UBR2: variants seen among roughly 807,000 people sequenced by gnomAD.
The protein encoded by UBR2 is E3 ubiquitin-protein ligase UBR2.
UBR2 carries 92 observed loss-of-function variants against 247.9 expected under a neutral mutation model. That is an observed-to-expected ratio of 0.37 (90% CI 0.31 to 0.44). The LOEUF (loss-of-function observed/expected upper bound fraction) is 0.44, where lower values mean the gene tolerates loss of function less well. Ranked by LOEUF, UBR2 falls within the 20% of genes least tolerant of loss-of-function variation. The pLI is 1.00. For synonymous variants in UBR2, 672 were observed against 693.5 expected, an observed-to-expected ratio of 0.97 and a Z score of 0.49; for missense variants, 1,613 against 2,112.6, an observed-to-expected ratio of 0.76 and a Z score of 4.64.
rs1263854998 is a variant in UBR2, at chr6:42,678,582, G to T, written c.4522G>T (p.Val1508Phe). ...ATCCGGCTGGCATCTGTGGAGGAGT[G>T]TCAGAGCTGGAATCATGCCTTTCCT... ...IPSGWHLWRS[V>F]RAGIMPFLKC... Residue 1508 changes from valine to phenylalanine, a missense_variant, in exon 41 of 47, where the codon GTC becomes TTC. Val to Phe is a conservative substitution (Grantham distance 50). This residue lies in a region of UBR2 where 1,524 missense variants were observed against 1,967.3 expected (regional missense o/e 0.77). Transcript: ENST00000372901. 6.2e-7 allele frequency: 1 copy of T among 1,613,842 alleles called. No homozygotes were observed. Among genetic ancestry groups the T allele is most frequent in the Non-Finnish European group, 8.5e-7 (1 of 1,179,910 alleles).
Position 42,658,712 on chromosome 6 carries a change from A to G in UBR2, c.3130A>G (p.Lys1044Glu). The change falls in exon 29 of 47, where the codon AAG (lysine) becomes GAG (glutamate). Residue 1044 changes from lysine to glutamate, a missense_variant. Lys to Glu is a moderately conservative substitution (Grantham distance 56). Transcript: ENST00000372901. ...AGAGATTGCCAGACTGCGCAGAGAA[A>G]AGATCATGGCTCAGATGTCTGAAAT... ...KAEIARLRRE[K>E]IMAQMSEMQR... The G allele has an allele frequency of 6.2e-7, 1 of 1,613,800 alleles. No homozygotes were observed. Among genetic ancestry groups the G allele is most frequent in the Non-Finnish European group, 8.5e-7 (1 of 1,179,922 alleles).
intron 8 of UBR2, among the ~76,000 whole-genome samples, chr6:42,614,415 C>A (rs36195874): frequency 1.1e-5 from 1 of 89,220 alleles, no homozygotes; most frequent in African/African-American, 4.8e-5. Context: ...TATGTATGTA[C>A]GTACGTACAT....
chr6:42,670,991 G>C (rs1484091515), intron 36 of UBR2, among the ~76,000 whole-genome samples: 1 of 152,148 alleles, frequency 6.6e-6, no homozygotes, highest in African/African-American at 2.4e-5. Flanking sequence ...TTTAAGACCA[G>C]CCTGACCAAC....
intron 2 of UBR2, among the ~76,000 whole-genome samples, chr6:42,579,515 T>C (rs1791739947): frequency 6.6e-6 from 1 of 152,226 alleles, no homozygotes; most frequent in Non-Finnish European, 1.5e-5. Context: ...GTGTTAGTTT[T>C]AAAACCATTG....
At chr6:42,565,408 CTG>C (rs1386865401) in intron 1 of UBR2, among the ~76,000 whole-genome samples, 1 of 152,184 alleles carries the variant, frequency 6.6e-6, no homozygotes, top group Non-Finnish European at 1.5e-5. Context: ...ATTGGGGGCA[CTG>C]TGGAGCTGTT....
At chr6:42,593,627 G>A (rs1475810819) in intron 3 of UBR2, among the ~76,000 whole-genome samples, 2 of 152,086 alleles carry the variant, frequency 1.3e-5, no homozygotes, top group Non-Finnish European at 2.9e-5. Flanking sequence ...CCTGAACATT[G>A]CAGGTGGTGA....
chr6:42,613,195 C>T (rs1424560702), intron 8 of UBR2, among the ~76,000 whole-genome samples: 1 of 151,946 alleles, frequency 6.6e-6, no homozygotes, highest in Non-Finnish European at 1.5e-5. Flanking sequence ...ACCAAAAATA[C>T]AAGCCTGGTG....
At chr6:42,684,626 A>G (rs189366393) in intron 43 of UBR2, among the ~76,000 whole-genome samples, 168 bp from the exon 44 acceptor site, 100 of 152,104 alleles carry the variant, frequency 6.6e-4, no homozygotes, top group African/African-American at 2.3e-3. Context: ...ACTGTCTAAA[A>G]TAATCCCCCC....
rs1448340377 is a variant in UBR2 at position 42,692,272 on chromosome 6, A to T, written c.*1099A>T. On this transcript the variant is annotated 3_prime_UTR_variant, in exon 47 of 47. Transcript: ENST00000372901. ...CTAAAGCCAAACACTGAAGAAGGTG[A>T]GAACCCACTCCCACCCAGCCAGCAT... 6.6e-6 allele frequency: 1 copy of T among 152,196 alleles called. No homozygotes were observed. Among genetic ancestry groups the T allele is most frequent in the African/African-American group, 2.4e-5 (1 of 41,450 alleles). The allele number at this position is 152,196 out of a possible 1,614,324, so 9.4% of individuals were successfully genotyped here. A position where few individuals can be genotyped will look rare whatever the true frequency, so the allele number is the denominator to read the frequency against.
intron 13 of UBR2, among the ~76,000 whole-genome samples, chr6:42,633,732 T>G (rs1303813496): frequency 1.3e-5 from 2 of 150,954 alleles, no homozygotes; most frequent in African/African-American, 4.9e-5. Flanking sequence ...TGTTTTGTTT[T>G]GTTTTGTTTT....
At chr6:42,642,366 G>C in intron 17 of UBR2, 50 bp from the exon 18 acceptor site, 1 of 1,320,620 alleles carries the variant, frequency 7.6e-7, no homozygotes, top group South Asian at 1.3e-5. Context: ...ATTAGAGAGA[G>C]CCTGAGCCAA....
chr6:42,568,342 G>A (rs529069035), intron 1 of UBR2, among the ~76,000 whole-genome samples: 7 of 152,124 alleles, frequency 4.6e-5, no homozygotes, highest in Non-Finnish European at 8.8e-5. Flanking sequence ...TTTTGTCTGT[G>A]TAGATTTGCC....
At position 42,614,229 on chromosome 6, in the gene UBR2, C is replaced by T. The variant is rs796865954; in HGVS notation, c.986-842C>T. On this transcript the variant is annotated intron_variant, in intron 8 of 46. Transcript: ENST00000372901. ...AACTATATATATATACACACACACA[C>T]ACACACACACACACACGCGCGCACA... Among the ~76,000 whole-genome samples, 208 of 57,166 alleles carry T rather than the reference C, an allele frequency of 3.6e-3. 2 individuals carry two copies. The highest frequency in any genetic ancestry group is 0.017 in the South Asian group (28 of 1,602). 37.5% of individuals were successfully genotyped at this position (57,166 alleles called of 152,430 possible).
chr6:42,601,855 T>C (rs955827014), intron 4 of UBR2, among the ~76,000 whole-genome samples: 2 of 150,982 alleles, frequency 1.3e-5, no homozygotes, highest in Non-Finnish European at 2.9e-5. Context: ...TTGTCCTTTT[T>C]TCTCCATTCT....
intron 1 of UBR2, among the ~76,000 whole-genome samples, chr6:42,565,608 T>C (rs1790733981): frequency 6.6e-6 from 1 of 152,186 alleles, no homozygotes; most frequent in Non-Finnish European, 1.5e-5. Flanking sequence ...ATGCCCAGGC[T>C]GGAGTGCAGT....
chr6:42,606,477 T>C, intron 6 of UBR2, 112 bp from the exon 7 acceptor site: 1 of 922,706 alleles, frequency 1.1e-6, no homozygotes, highest in Non-Finnish European at 1.7e-6. Flanking sequence ...GCATTGTAAA[T>C]ATTGAAAATT....
rs1233015850 is a variant in UBR2, at chr6:42,564,332, C to G, written c.13C>G (p.Leu5Val). The change falls in exon 1 of 47, where the codon CTA becomes GTA. Residue 5 changes from leucine (L) to valine (V), a missense_variant. Leu to Val is a conservative substitution (Grantham distance 32, BLOSUM62 1). Transcript: ENST00000372901. ...AGGAGGAGAGAAGATGGCGTCGGAG[C>G]TAGAGCCAGAGGTGCAGGCCATCGA... MASE[L>V]EPEVQAIDRS... 3.1e-6 allele frequency: 5 copies of G among 1,611,404 alleles called. No individual in the cohort carries two copies. Among genetic ancestry groups the G allele is most frequent in the Non-Finnish European group, 4.2e-6 (5 of 1,179,138 alleles).
chr6:42,612,254 A>G lies in UBR2; in HGVS notation c.948A>G (p.Lys316=). The change falls in exon 8 of 47, where the codon AAA becomes AAG. Residue 316 remains lysine (K), a synonymous_variant. Transcript: ENST00000372901. ...SIVAHQNFGL[K]LLSWLGSIIG... ...TCGCACATCAGAATTTTGGTTTGAA[A>G]CTTTTGTCTTGGCTGGGAAGTATTA... is the stretch of plus-strand genomic sequence containing the variant. The G allele has an allele frequency of 6.5e-7, 1 of 1,540,270 alleles. No homozygotes were observed. The highest frequency in any genetic ancestry group is 2.3e-5 in the East Asian group (1 of 44,072).
At chr6:42,629,175 C>T (rs1795538284) in intron 11 of UBR2, among the ~76,000 whole-genome samples, 1 of 151,924 alleles carries the variant, frequency 6.6e-6, no homozygotes, top group South Asian at 2.1e-4. Context: ...CGCCACCATG[C>T]CCGGGTAATT....
Sources: gnomAD v4.1 joint callset for allele counts (sites outside exome capture counted in the v4.1 genomes callset) on GRCh38, gnomAD v4.1.1 for gene constraint, gnomAD v4.1.1 regional missense constraint, MANE v1.5 for transcripts, NCBI Gene and HGNC (gene_info 2026-07-23, HGNC 2026-07-21) for gene names.